ORC1: variants seen among roughly 807,000 people sequenced by gnomAD.
ORC1 encodes origin recognition complex subunit 1, also known as origin recognition complex, subunit 1 homolog.
A neutral mutation model predicts 98.9 loss-of-function variants in ORC1; 61 were observed. The ratio of observed to expected loss-of-function variants is 0.62; its 90% CI spans 0.50 to 0.76. The LOEUF (loss-of-function observed/expected upper bound fraction) is 0.76. Ranked by LOEUF, ORC1 falls within the 30% of genes least tolerant of loss-of-function variation. The pLI, the probability that ORC1 is intolerant of heterozygous loss-of-function variation, is 0.00. For missense variants in ORC1, 979 were observed against 1,072.2 expected (o/e 0.91, Z 1.21); for synonymous variants, 385 against 406.9 (o/e 0.95, Z 0.65).
At position 52,383,817 on chromosome 1, in the gene ORC1, A is replaced by C. The variant is rs752777991; in HGVS notation, c.1863+13T>G. 3 of 1,605,922 alleles carry C rather than the reference A, an allele frequency of 1.9e-6. No homozygotes were observed. The highest frequency in any genetic ancestry group is 4.5e-5 in the East Asian group (2 of 44,834). ...GCCCTGTTTCTTCTCCTGTCCGCCC[A>C]TGGGCACCTCACCTCATCCACAAGC... On this transcript the variant is annotated intron_variant, in intron 12 of 16. Coordinates refer to ENST00000371568, the MANE Select transcript of ORC1 (RefSeq NM_004153.4).
intron 11 of ORC1, among the ~76,000 whole-genome samples, 173 bp downstream of exon 11, chr1:52,384,377 T>C (rs1647113825): frequency 6.6e-6 from 1 of 152,210 alleles, no homozygotes; most frequent in Admixed American, 6.5e-5. Context: ...CTCCTAGACT[T>C]TGAAGTCTCT....
Position 52,373,338 on chromosome 1 carries a change from C to A in ORC1, c.2429G>T (p.Gly810Val), listed in dbSNP as rs1315346995. 2 of 1,614,126 alleles carry A rather than the reference C, an allele frequency of 1.2e-6. No homozygotes were observed. The highest frequency in any genetic ancestry group is 2.2e-5 in the South Asian group (2 of 91,082). ...CTCTGACATGGTGGGGTACGGCAGT[C>A]CCTCCATTCTGCACAGTGCCACATG... ...SQHVALCRME[G>V]LPYPTMSETM... Residue 810 changes from glycine to valine, a missense_variant, in exon 17 of 17, where the codon GGA (glycine) becomes GTA (valine). Physicochemically the swap from Gly to Val is moderately radical, Grantham distance 109. Coordinates refer to ENST00000371568, the MANE Select transcript of ORC1 (RefSeq NM_004153.4).
chr1:52,376,347 T>A (rs1646994555), intron 14 of ORC1, among the ~76,000 whole-genome samples: 1 of 152,034 alleles, frequency 6.6e-6, no homozygotes, highest in Non-Finnish European at 1.5e-5. Flanking sequence ...AAACCCTATC[T>A]CTACTAAAAA....
intron 3 of ORC1, among the ~76,000 whole-genome samples, chr1:52,400,716 C>T (rs1001854462): frequency 8.5e-5 from 13 of 152,324 alleles, no homozygotes; most frequent in Admixed American, 2.6e-4. Flanking sequence ...GTTAGAAGGT[C>T]AGCAAATCAG....
At chr1:52,395,452 G>A (rs532244212) in intron 5 of ORC1, among the ~76,000 whole-genome samples, 186 of 152,178 alleles carry the variant, frequency 1.2e-3, no homozygotes, top group Non-Finnish European at 2.2e-3. Flanking sequence ...GTTTTGACTC[G>A]AATTATATTA....
chr1:52,390,624 C>A (rs557472663), intron 6 of ORC1, among the ~76,000 whole-genome samples: 34 of 152,224 alleles, frequency 2.2e-4, no homozygotes, highest in Admixed American at 3.3e-4. Context: ...TGGTGAAACC[C>A]TGTCTCTACT....
chr1:52,404,023 C>T (rs571585610), intron 1 of ORC1, among the ~76,000 whole-genome samples: 1 of 152,352 alleles, frequency 6.6e-6, no homozygotes, highest in African/African-American at 2.4e-5. Context: ...GCCTTCCCCC[C>T]TGCAAACTCA....
intron 3 of ORC1, among the ~76,000 whole-genome samples, chr1:52,399,428 T>C (rs368655488): frequency 3.8e-4 from 58 of 151,932 alleles, no homozygotes; most frequent in East Asian, 2.7e-3. Context: ...CTCAAGACCA[T>C]CCTGGCTAAC....
chr1:52,391,532 C>T (rs1251460071), intron 6 of ORC1, among the ~76,000 whole-genome samples: 1 of 152,130 alleles, frequency 6.6e-6, no homozygotes, highest in African/African-American at 2.4e-5. Context: ...ATGCATCCAA[C>T]AGAGGACTAA....
chr1:52,403,946 G>C (rs909897349), intron 1 of ORC1, among the ~76,000 whole-genome samples: 1 of 152,196 alleles, frequency 6.6e-6, no homozygotes, highest in African/African-American at 2.4e-5. Context: ...CAGATGGAGG[G>C]AAAGTCATCA....
upstream of ORC1, among the ~76,000 whole-genome samples, chr1:52,407,808 C>T (rs1648039948): frequency 6.6e-6 from 1 of 152,230 alleles, no homozygotes. Flanking sequence ...GTAATCCCAG[C>T]ACTTTGGGAG....
At chr1:52,379,405 G>A (rs1034655997) in intron 14 of ORC1, among the ~76,000 whole-genome samples, 2 of 151,280 alleles carry the variant, frequency 1.3e-5, no homozygotes, top group South Asian at 2.1e-4. Flanking sequence ...CACCACGCCC[G>A]GCTAATTTTT....
chr1:52,400,710 G>A (rs903812603), intron 3 of ORC1, among the ~76,000 whole-genome samples: 4 of 152,204 alleles, frequency 2.6e-5, no homozygotes, highest in Admixed American at 6.5e-5. Context: ...CAGAGGGTTA[G>A]AAGGTCAGCA....
chr1:52,386,653 G>C (rs1015084933), intron 8 of ORC1, among the ~76,000 whole-genome samples: 4 of 152,178 alleles, frequency 2.6e-5, no homozygotes, highest in Non-Finnish European at 5.9e-5. Flanking sequence ...GAGGCAGAAA[G>C]CACTTAAACT....
At chr1:52,380,957 G>A (rs2147918799) in intron 14 of ORC1, among the ~76,000 whole-genome samples, 1 of 152,330 alleles carries the variant, frequency 6.6e-6, no homozygotes, top group Admixed American at 6.5e-5. Flanking sequence ...CAGCCATTCA[G>A]GGTGAAGAGT....
rs776468234 is a variant in ORC1, at chr1:52,375,589, AG to A, written c.2143del (p.Leu715CysfsTer34). ...IQLVARKVAA[L>X]SGDARRCLDI... Reference sequence around the variant, plus strand: ...CAGGCACCGTCGTGCATCTCCAGACAGTGCTGCTACCTACAAGAGGGAATAT... The same window carrying A: ...CAGGCACCGTCGTGCATCTCCAGACATGCTGCTACCTACAAGAGGGAATAT... On this transcript the variant is annotated frameshift_variant, in exon 15 of 17. Transcript: ENST00000371568. LOFTEE classifies it high-confidence loss of function. 6.2e-7 allele frequency: 1 copy of A among 1,613,936 alleles called. No homozygotes were observed. Among genetic ancestry groups the A allele is most frequent in the South Asian group, 1.1e-5 (1 of 91,068 alleles).
chr1:52,394,502 A>G (rs1009416634), intron 5 of ORC1, among the ~76,000 whole-genome samples: 8 of 152,232 alleles, frequency 5.3e-5, no homozygotes, highest in Admixed American at 4.6e-4. Flanking sequence ...ATAAAGTGAA[A>G]TAAGTGTCCA....
At chr1:52,409,084 C>T (rs1648078034), upstream of ORC1, 2 of 179,144 alleles carry the variant, frequency 1.1e-5, no homozygotes, top group South Asian at 2.4e-4. Context: ...GGCCTCTCCT[C>T]TAACACTGTA....
At chr1:52,376,965 G>A (rs531360610) in intron 14 of ORC1, among the ~76,000 whole-genome samples, 9 of 152,240 alleles carry the variant, frequency 5.9e-5, no homozygotes, top group East Asian at 3.9e-4. Flanking sequence ...CAGGAAAAAC[G>A]GCCTACTTGA....
Sources: gnomAD v4.1 joint callset for allele counts (sites outside exome capture counted in the v4.1 genomes callset) on GRCh38, gnomAD v4.1.1 for gene constraint, MANE v1.5 for transcripts, NCBI Gene and HGNC (gene_info 2026-07-23, HGNC 2026-07-21) for gene names.